Variants in ASAH2 observed in about 807,000 individuals in gnomAD.
ASAH2 encodes N-acylsphingosine amidohydrolase 2.
A neutral mutation model predicts 82.9 loss-of-function variants in ASAH2; 58 were observed. That is an observed-to-expected ratio of 0.70 (90% CI 0.57 to 0.87). The LOEUF (loss-of-function observed/expected upper bound fraction) is 0.87. Ranked by LOEUF, ASAH2 falls within the 40% of genes least tolerant of loss-of-function variation. ASAH2 has a pLI of 0.00. For synonymous variants in ASAH2, 276 were observed against 289.7 expected (o/e 0.95, Z 0.48); for missense variants, 779 against 834.0 (o/e 0.93, Z 0.81).
intron 8 of ASAH2, among the ~76,000 whole-genome samples, chr10:50,218,222 ACCT>A (rs1845658317): frequency 6.6e-6 from 1 of 152,204 alleles, no homozygotes; most frequent in South Asian, 2.1e-4. Context: ...CTTAATCAAA[ACCT>A]ACTGTTATAA....
At chr10:50,236,102 A>T (rs1404022396) in intron 4 of ASAH2, 38 bp from the exon 5 acceptor site, 2 of 1,579,128 alleles carry the variant, frequency 1.3e-6, no homozygotes, top group Non-Finnish European at 1.7e-6. Context: ...GAAGAGGGAT[A>T]ACATAGGAGC....
intron 7 of ASAH2, among the ~76,000 whole-genome samples, chr10:50,231,516 T>A (rs1016171548): frequency 2.7e-4 from 41 of 152,258 alleles, no homozygotes; most frequent in African/African-American, 9.6e-4. Context: ...TACTTGTCTA[T>A]ATATTTGTCT....
chr10:50,203,773 G>A, intron 14 of ASAH2, 94 bp from the exon 15 acceptor site: 1 of 1,025,248 alleles, frequency 9.8e-7, no homozygotes, highest in Non-Finnish European at 1.6e-6. Flanking sequence ...AATTACCCTG[G>A]CTCATCACAC....
Position 50,214,786 on chromosome 10 carries a change from C to T in ASAH2, c.1097G>A (p.Gly366Glu). 4 of 1,613,776 alleles carry T rather than the reference C, an allele frequency of 2.5e-6. No individual in the cohort carries two copies. Among genetic ancestry groups the T allele is most frequent in the Non-Finnish European group, 3.4e-6 (4 of 1,179,716 alleles). ...GCTATTGGCGTTATCACAGGACTCT[C>T]CTGTGTTGATGCAACGTGGTCCAAG... is the stretch of plus-strand genomic sequence containing the variant. ...NILGPRCINT[G>E]ESCDNANSTC... Residue 366 changes from glycine (G) to glutamate (E), a missense_variant, in exon 9 of 21, where the codon GGA becomes GAA. This residue lies in a region of ASAH2 where 759 missense variants were observed against 755.2 expected (regional missense o/e 1.00). Coordinates refer to ENST00000682911, the MANE Select transcript of ASAH2 (RefSeq NM_019893.4).
intron 8 of ASAH2, 110 bp from the exon 9 acceptor site, chr10:50,214,978 G>A (rs1845556712): frequency 8.1e-6 from 11 of 1,366,196 alleles, no homozygotes; most frequent in Admixed American, 2.1e-5. Flanking sequence ...AAAATCATTT[G>A]CAGGCAATAA....
In ASAH2 at chr10:50,230,338, A is replaced by G. The variant is rs1387358985; in HGVS notation, c.893+2846T>C. Among the ~76,000 whole-genome samples, 4 of 152,136 alleles carry G rather than the reference A, an allele frequency of 2.6e-5. No individual in the cohort carries two copies. In the East Asian group the frequency reaches 7.7e-4, roughly 29 times the overall value. ...TTCTAGGCCCTTGTTCCTCTGCTGA[A>G]GGTTAAACTAGGTCATCTCCATGCT... On this transcript the variant is annotated intron_variant, in intron 7 of 20. Coordinates refer to ENST00000682911, the MANE Select transcript of ASAH2 (RefSeq NM_019893.4).
chr10:50,229,799 T>C (rs1046573201), intron 7 of ASAH2, among the ~76,000 whole-genome samples: 1 of 152,316 alleles, frequency 6.6e-6, no homozygotes, highest in African/African-American at 2.4e-5. Context: ...CCCATTGCTG[T>C]CACTTCCTCA....
chr10:50,243,040 T>C (rs1436216), intron 4 of ASAH2, among the ~76,000 whole-genome samples, 162 bp downstream of exon 4: 32,953 of 152,152 alleles, frequency 0.22, 5,450 homozygotes, highest in African/African-American at 0.44. Flanking sequence ...GAAGATCATT[T>C]TCCTTGTAAG....
intron 7 of ASAH2, among the ~76,000 whole-genome samples, chr10:50,231,700 A>G (rs1846025964): frequency 6.6e-6 from 1 of 152,176 alleles, no homozygotes; most frequent in South Asian, 2.1e-4. Context: ...GTAGTAGAAG[A>G]ATAAGTCCAT....
intron 12 of ASAH2, among the ~76,000 whole-genome samples, chr10:50,206,333 A>G (rs1277545433): frequency 8.6e-5 from 13 of 151,888 alleles, no homozygotes; most frequent in African/African-American, 3.1e-4. Flanking sequence ...GACAGAGTAT[A>G]TTTTGTCAAT....
chr10:50,235,958 G>T lies in ASAH2; in HGVS notation c.617C>A (p.Thr206Asn). 1 of 1,613,370 alleles carries T rather than the reference G, an allele frequency of 6.2e-7. No individual in the cohort carries two copies. Among genetic ancestry groups the T allele is most frequent in the Non-Finnish European group, 8.5e-7 (1 of 1,179,500 alleles). ...TCCTTCACTGGCAATTACAAACACG[G>T]TATACTGGAAATATCCTGCAGGACC... ...HSGPAGYFQY[T>N]VFVIASEGFS... Residue 206 changes from threonine (T) to asparagine (N), a missense_variant, in exon 5 of 21, where the codon ACC becomes AAC. Around this residue, in one of 3 missense-constraint regions of ASAH2, gnomAD observed 759 missense variants for 755.2 expected, o/e 1.00. Transcript: ENST00000682911.
chr10:50,199,277 T>C lies in ASAH2; in HGVS notation c.1762-131A>G, dbSNP rs1341566120. Reference sequence around the variant, plus strand: ...AAAACTGGCACAATCTTCAAGATTATGTATGACAAAAGAGGATGGGCATTT... The same window carrying C: ...AAAACTGGCACAATCTTCAAGATTACGTATGACAAAAGAGGATGGGCATTT... On this transcript the variant is annotated intron_variant, in intron 16 of 20. Coordinates refer to ENST00000682911, the MANE Select transcript of ASAH2 (RefSeq NM_019893.4). 6.7e-6 allele frequency: 6 copies of C among 889,828 alleles called. No homozygotes were observed. The East Asian group carries it at 7.3e-5, about 11-fold the overall frequency. 55.1% of individuals were successfully genotyped at this position (889,828 alleles called of 1,614,324 possible).
rs1845284813 is a variant in ASAH2, at chr10:50,206,034, T to C, written c.1478A>G (p.Glu493Gly). 6.2e-7 allele frequency: 1 copy of C among 1,612,592 alleles called. No individual in the cohort carries two copies. The highest frequency in any genetic ancestry group is 8.5e-7 in the Non-Finnish European group (1 of 1,178,954). ...TGGTTTATGACATTCTTTAATTTCT[T>C]CAGATGGCTTTCCCAGGATCTGGTC... ...IRDQILGKPS[E>G]EIKECHKPKP... The change falls in exon 13 of 21, where the codon GAA becomes GGA. Residue 493 changes from glutamate (E) to glycine (G), a missense_variant. Physicochemically the swap from Glu to Gly is moderately conservative, Grantham distance 98 (BLOSUM62 -2). Transcript: ENST00000682911.
intron 2 of ASAH2, among the ~76,000 whole-genome samples, chr10:50,246,514 A>G (rs781474908): frequency 5.3e-5 from 8 of 152,232 alleles, no homozygotes; most frequent in Non-Finnish European, 1.2e-4. Flanking sequence ...GAAAGTACTT[A>G]GGCAAGAGAT....
chr10:50,202,034 A>G (rs1845162739), intron 16 of ASAH2, among the ~76,000 whole-genome samples: 1 of 152,116 alleles, frequency 6.6e-6, no homozygotes, highest in Non-Finnish European at 1.5e-5. Context: ...GTAGTGAAGA[A>G]AGGATGTAAT....
At chr10:50,230,993 A>T (rs921838553) in intron 7 of ASAH2, among the ~76,000 whole-genome samples, 1 of 151,362 alleles carries the variant, frequency 6.6e-6, no homozygotes, top group Non-Finnish European at 1.5e-5. Context: ...GTGAGCTATG[A>T]TCACGCCATT....
chr10:50,231,298 C>T (rs1846016780), intron 7 of ASAH2, among the ~76,000 whole-genome samples: 1 of 152,094 alleles, frequency 6.6e-6, no homozygotes, highest in African/African-American at 2.4e-5. Context: ...GCCCTGACCT[C>T]ACCCACACTC....
intron 8 of ASAH2, among the ~76,000 whole-genome samples, chr10:50,216,509 G>T (rs1845605849): frequency 6.6e-6 from 1 of 152,302 alleles, no homozygotes; most frequent in East Asian, 1.9e-4. Context: ...ATGCTGACCA[G>T]TCAATCTAGT....
intron 8 of ASAH2, among the ~76,000 whole-genome samples, chr10:50,216,137 T>G (rs1589335747): frequency 8.9e-6 from 1 of 112,250 alleles, no homozygotes; most frequent in Non-Finnish European, 1.7e-5. Flanking sequence ...GAGGGGAACA[T>G]CACACACTGG....
Sources: gnomAD v4.1 joint callset for allele counts (sites outside exome capture counted in the v4.1 genomes callset) on GRCh38, gnomAD v4.1.1 for gene constraint, gnomAD v4.1.1 regional missense constraint, MANE v1.5 for transcripts, NCBI Gene and HGNC (gene_info 2026-07-23, HGNC 2026-07-21) for gene names.